Variants in DGLUCY observed in about 807,000 individuals in gnomAD.
DGLUCY encodes D-glutamate cyclase.
DGLUCY carries 58 observed loss-of-function variants against 58.5 expected under a neutral mutation model. The observed-to-expected ratio is 0.99, with a 90% CI of 0.80 to 1.23. DGLUCY has a LOEUF of 1.23. DGLUCY is among the 50% of genes most tolerant of loss of function. The pLI, the probability that DGLUCY is intolerant of heterozygous loss-of-function variation, is 0.00. For synonymous variants in DGLUCY, 325 were observed against 314.1 expected (o/e 1.03, Z -0.37); for missense variants, 779 against 784.7 (o/e 0.99, Z 0.09).
intron 12 of DGLUCY, among the ~76,000 whole-genome samples, chr14:91,212,828 C>A (rs1885892892): frequency 2.0e-5 from 3 of 151,962 alleles, no homozygotes; most frequent in African/African-American, 7.3e-5. Context: ...TGGTGAAACC[C>A]CATCTCTACT....
intron 1 of DGLUCY, among the ~76,000 whole-genome samples, chr14:91,071,160 G>A (rs779633193): frequency 1.1e-4 from 16 of 151,234 alleles, no homozygotes; most frequent in South Asian, 2.1e-4. Flanking sequence ...GTGAAACCCC[G>A]TCTCTACTAA....
intron 1 of DGLUCY, among the ~76,000 whole-genome samples, chr14:91,072,295 G>C (rs997316177): frequency 6.6e-6 from 1 of 151,202 alleles, no homozygotes; most frequent in Non-Finnish European, 1.5e-5. Context: ...CTGCACTCCA[G>C]CGTGAGCAAC....
At chr14:91,195,670 G>GCTT (rs2050154825) in intron 9 of DGLUCY, among the ~76,000 whole-genome samples, 1 of 120,672 alleles carries the variant, frequency 8.3e-6, no homozygotes, top group Non-Finnish European at 1.7e-5. Context: ...TTTGGGTTTT[G>GCTT]TTTTTTTTTT....
intron 1 of DGLUCY, among the ~76,000 whole-genome samples, chr14:91,078,505 C>A (rs1012269438): frequency 1.3e-5 from 2 of 152,146 alleles, no homozygotes; most frequent in Non-Finnish European, 1.5e-5. Flanking sequence ...CCTTTGAGTT[C>A]TTTCCTCCCT....
chr14:91,213,174 C>T (rs1885975434), intron 12 of DGLUCY, among the ~76,000 whole-genome samples: 2 of 152,118 alleles, frequency 1.3e-5, no homozygotes, highest in African/African-American at 2.4e-5. Flanking sequence ...GTGACTCACA[C>T]CTATAATCCC....
intron 1 of DGLUCY, among the ~76,000 whole-genome samples, chr14:91,098,855 G>A (rs2044437444): frequency 6.6e-6 from 1 of 152,180 alleles, no homozygotes; most frequent in African/African-American, 2.4e-5. Flanking sequence ...GACTTTCCTT[G>A]TAAGCGCAGC....
intron 1 of DGLUCY, among the ~76,000 whole-genome samples, chr14:91,144,234 T>C (rs1385904509): frequency 6.6e-6 from 1 of 152,070 alleles, no homozygotes; most frequent in Non-Finnish European, 1.5e-5. Flanking sequence ...CTACTGGCCG[T>C]TTGGTAACAA....
chr14:91,176,314 C>T (rs2048851087), intron 7 of DGLUCY, among the ~76,000 whole-genome samples: 1 of 152,286 alleles, frequency 6.6e-6, no homozygotes, highest in South Asian at 2.1e-4. Flanking sequence ...CAACCTCCAG[C>T]TCCCTGGTTC....
At chr14:91,196,607 T>C in intron 10 of DGLUCY, 133 bp downstream of exon 10, 2 of 702,010 alleles carry the variant, frequency 2.8e-6, no homozygotes, top group South Asian at 3.5e-5. Context: ...AGATGGGTTC[T>C]CATGGACCAG....
chr14:91,108,093 G>A (rs1357340920), intron 1 of DGLUCY: 1 of 152,848 alleles, frequency 6.5e-6, no homozygotes, highest in African/African-American at 2.4e-5. Flanking sequence ...GTCTTCTGTG[G>A]GGTGCCGGGG....
intron 9 of DGLUCY, among the ~76,000 whole-genome samples, chr14:91,191,770 T>G (rs2049908972): frequency 6.6e-6 from 1 of 152,018 alleles, no homozygotes; most frequent in African/African-American, 2.4e-5. Context: ...ATGGATTGGG[T>G]GTGGGTGTGA....
At chr14:91,187,366 C>A (rs374402604) in intron 8 of DGLUCY, among the ~76,000 whole-genome samples, 1 of 152,186 alleles carries the variant, frequency 6.6e-6, no homozygotes. Flanking sequence ...TCCCTTCAGT[C>A]CACTGCTGAT....
chr14:91,199,417 G>A (rs1010528808), intron 10 of DGLUCY, among the ~76,000 whole-genome samples: 1 of 151,922 alleles, frequency 6.6e-6, no homozygotes, highest in Non-Finnish European at 1.5e-5. Context: ...CCACCACCAC[G>A]CCCAGCTAAT....
intron 1 of DGLUCY, chr14:91,115,170 A>T (rs2044844872): frequency 6.6e-6 from 1 of 152,626 alleles, no homozygotes; most frequent in African/African-American, 2.4e-5. Context: ...GGCAGGAAGA[A>T]TGTTGGCATT....
chr14:91,145,845 A>G (rs1426206425), intron 1 of DGLUCY, among the ~76,000 whole-genome samples: 1 of 152,000 alleles, frequency 6.6e-6, no homozygotes, highest in Non-Finnish European at 1.5e-5. Flanking sequence ...TGTAAGGTCT[A>G]TACACTCATC....
intron 1 of DGLUCY, among the ~76,000 whole-genome samples, chr14:91,131,986 T>C (rs2046049441): frequency 6.6e-6 from 1 of 152,068 alleles, no homozygotes; most frequent in South Asian, 2.1e-4. Context: ...AGAGACAGGG[T>C]TTCTCCATGT....
At chr14:91,108,249 C>T (rs550914169) in intron 1 of DGLUCY, among the ~76,000 whole-genome samples, 8 of 151,838 alleles carry the variant, frequency 5.3e-5, no homozygotes, top group African/African-American at 7.3e-5. Flanking sequence ...TCCCTGTCCT[C>T]GTTTAAAATT....
intron 7 of DGLUCY, among the ~76,000 whole-genome samples, chr14:91,176,889 A>T (rs1394267544): frequency 6.6e-6 from 1 of 152,182 alleles, no homozygotes; most frequent in Non-Finnish European, 1.5e-5. Context: ...GGCATGAGCC[A>T]CCGTGTCCAG....
At chr14:91,171,109 A>T (rs1271188760) in intron 5 of DGLUCY, among the ~76,000 whole-genome samples, 1 of 152,078 alleles carries the variant, frequency 6.6e-6, no homozygotes, top group Non-Finnish European at 1.5e-5. Context: ...GGAACACAGC[A>T]CCCTTTGTAG....
Sources: allele counts gnomAD v4.1 joint callset (sites outside exome capture counted in the v4.1 genomes callset), GRCh38; gene constraint gnomAD v4.1.1; transcripts MANE v1.5; gene names NCBI Gene and HGNC (gene_info 2026-07-23, HGNC 2026-07-21).